ITPR3: variants seen among roughly 807,000 people sequenced by gnomAD.
ITPR3 encodes inositol 1,4,5-trisphosphate-gated calcium channel ITPR3.
ITPR3 carries 173 observed loss-of-function variants against 293.2 expected under a neutral mutation model. That is an observed-to-expected ratio of 0.59 (90% CI 0.52 to 0.67). The LOEUF is 0.67. Among genes scored for constraint, ITPR3 ranks in the 30% least tolerant of loss-of-function variants. The pLI, the probability that ITPR3 is intolerant of heterozygous loss-of-function variation, is 0.00. For missense variants in ITPR3, 2,796 were observed against 3,592.1 expected, an observed-to-expected ratio of 0.78 and a Z score of 5.66; for synonymous variants, 1,295 against 1,444.4, an observed-to-expected ratio of 0.90 and a Z score of 2.35.
At chr6:33,634,802 T>C (rs1763779444) in intron 1 of ITPR3, among the ~76,000 whole-genome samples, 1 of 152,130 alleles carries the variant, frequency 6.6e-6, no homozygotes, top group Non-Finnish European at 1.5e-5. Context: ...CAAATTTGCA[T>C]GTCTTTCCTG....
At chr6:33,694,163 A>T (rs775360685) in intron 56 of ITPR3, 30 of 161,026 alleles carry the variant, frequency 1.9e-4, no homozygotes, top group Non-Finnish European at 1.1e-4. Flanking sequence ...GCTTCCTAAA[A>T]AGTCTGAATT....
chr6:33,681,952 C>G (rs1765089586), intron 33 of ITPR3, among the ~76,000 whole-genome samples: 1 of 151,918 alleles, frequency 6.6e-6, no homozygotes, highest in South Asian at 2.1e-4. Flanking sequence ...ACAACCTTGG[C>G]TCACTTGCAA....
intron 1 of ITPR3, among the ~76,000 whole-genome samples, chr6:33,639,336 G>C (rs976511429): frequency 4.8e-5 from 7 of 145,200 alleles, no homozygotes; most frequent in Non-Finnish European, 1.0e-4. Context: ...TCGAGATTGC[G>C]CCACTGCACT....
At chr6:33,674,468 C>T (rs902279535) in intron 24 of ITPR3, among the ~76,000 whole-genome samples, 10 of 152,214 alleles carry the variant, frequency 6.6e-5, no homozygotes, top group African/African-American at 1.7e-4. Flanking sequence ...CCAGTCATCC[C>T]GTCATTCTTC....
intron 1 of ITPR3, among the ~76,000 whole-genome samples, chr6:33,631,175 G>A (rs1763670142): frequency 6.6e-6 from 1 of 152,236 alleles, no homozygotes; most frequent in Admixed American, 6.5e-5. Context: ...GCCCTACGGG[G>A]CTTAGTGGGT....
intron 2 of ITPR3, among the ~76,000 whole-genome samples, chr6:33,642,768 A>G (rs931850596): frequency 5.3e-5 from 8 of 152,064 alleles, no homozygotes; most frequent in African/African-American, 1.9e-4. Context: ...CCGTGGTCCC[A>G]TATCCTCGCT....
chr6:33,662,422 C>A (rs111635868), intron 7 of ITPR3, 106 bp from the exon 8 acceptor site: 23 of 1,339,794 alleles, frequency 1.7e-5, no homozygotes, highest in Non-Finnish European at 2.3e-5. Context: ...GAAGAGGGGC[C>A]CTGCCAGCAG....
Position 33,667,827 on chromosome 6 carries a change from C to A in ITPR3, c.1749C>A (p.Ser583=), listed in dbSNP as rs1434545720. Residue 583 remains serine (S), a synonymous_variant, in exon 16 of 58, where the codon TCC becomes TCA. Coordinates refer to ENST00000605930, the MANE Select transcript of ITPR3 (RefSeq NM_002224.4). The surrounding 1 kb of genome is among the most constrained non-coding windows in gnomAD (Gnocchi z 4.4). ...CCAAGCAGTTTGGGATGATGCAGTC[C>A]CAGATTGGCTACGACATCCTGGCCG... ...HIAKQFGMMQ[S]QIGYDILAED... is the part of the protein sequence containing the mutation. 4 of 1,614,156 alleles carry A rather than the reference C, an allele frequency of 2.5e-6. 1 individual carries two copies. The South Asian group carries it at 4.4e-5, about 18-fold the overall frequency.
At chr6:33,694,373 C>CA (rs1765478075) in intron 56 of ITPR3, 1 of 172,870 alleles carries the variant, frequency 5.8e-6, no homozygotes, top group Non-Finnish European at 1.2e-5. Context: ...CAGCTTACTA[C>CA]AAGGAAGCTG....
At position 33,675,610 on chromosome 6, in the gene ITPR3, T is replaced by C. The variant is rs987126472; in HGVS notation, c.3117-81T>C. 55 of 1,460,312 alleles carry C rather than the reference T, an allele frequency of 3.8e-5. No individual in the cohort carries two copies. In the African/African-American group the frequency reaches 6.3e-4, roughly 17 times the overall value. The allele number at this position is 1,460,312 out of a possible 1,614,324, so 90.5% of individuals were successfully genotyped here. On this transcript the variant is annotated intron_variant, in intron 24 of 57. Transcript: ENST00000605930. The surrounding 1 kb of genome is among the most constrained non-coding windows in gnomAD (Gnocchi z 5.0). ...CTAATTGGGTGGCGGAGAGTGTGCTTGTGCCAGGGCCCCTTACCCACCACG... is the reference window on the plus strand; with the variant it reads ...CTAATTGGGTGGCGGAGAGTGTGCTCGTGCCAGGGCCCCTTACCCACCACG...
Position 33,683,082 on chromosome 6 carries a change from T to C in ITPR3, c.4598-125T>C, listed in dbSNP as rs1294885798. On this transcript the variant is annotated intron_variant, in intron 34 of 57. Transcript: ENST00000605930. This position sits in a 1 kb window ranked among gnomAD's most constrained non-coding sequence, Gnocchi z 4.5. ...CAAGCATAGGCCGGGGTGGGGGGGGTCTCTGTCTCCCAGACCCTTGGTCTA... is the reference window on the plus strand; with the variant it reads ...CAAGCATAGGCCGGGGTGGGGGGGGCCTCTGTCTCCCAGACCCTTGGTCTA... 2 of 603,844 alleles carry C rather than the reference T, an allele frequency of 3.3e-6. No homozygotes were observed. Among genetic ancestry groups the C allele is most frequent in the Non-Finnish European group, 5.1e-6 (2 of 391,318 alleles). 37.4% of individuals were successfully genotyped at this position (603,844 alleles called of 1,614,324 possible).
In ITPR3 at chr6:33,671,217, A is replaced by T. The variant is rs774579158; in HGVS notation, c.2639A>T (p.Glu880Val). 7 of 1,613,526 alleles carry T rather than the reference A, an allele frequency of 4.3e-6. No individual in the cohort carries two copies. The African/African-American group carries it at 9.3e-5, about 22-fold the overall frequency. Residue 880 changes from glutamate to valine, a missense_variant, in exon 21 of 58, where the codon GAG (glutamate) becomes GTG (valine). Glu to Val is a moderately radical substitution (Grantham distance 121). This residue lies in a region of ITPR3 where 955 missense variants were observed against 1,180.8 expected (regional missense o/e 0.81). Transcript: ENST00000605930. ...TACTTCGGCTTCTACAGCTTCAGCG[A>T]GCTGCTGCGGCTCACTCGCACACTG... The part of the protein sequence containing the change: ...LIYFGFYSFS[E>V]LLRLTRTLLG...
rs565340712 is a variant in ITPR3, at chr6:33,666,176, C to T, written c.1551+200C>T. Among the ~76,000 whole-genome samples the T allele has an allele frequency of 1.3e-4, 20 of 152,284 alleles. No individual in the cohort carries two copies. The highest frequency in any genetic ancestry group is 4.1e-4 in the South Asian group (2 of 4,824). ...GGAGGAGGCGCCGTGATTCTTACCC[C>T]GTTTTACTGGTGAGGAAGCTGAAAC... On this transcript the variant is annotated intron_variant, in intron 14 of 57. Transcript: ENST00000605930. This position sits in a 1 kb window ranked among gnomAD's most constrained non-coding sequence, Gnocchi z 5.1.
At chr6:33,643,645 G>A (rs1392724376) in intron 2 of ITPR3, among the ~76,000 whole-genome samples, 1 of 152,072 alleles carries the variant, frequency 6.6e-6, no homozygotes, top group Non-Finnish European at 1.5e-5. Flanking sequence ...TCCTCCTGTT[G>A]GGGCAAGGGA....
At chr6:33,677,832 A>G (rs1409591619) in intron 28 of ITPR3, among the ~76,000 whole-genome samples, 1 of 151,590 alleles carries the variant, frequency 6.6e-6, no homozygotes, top group African/African-American at 2.4e-5. Flanking sequence ...CCCTCATCCT[A>G]ATTCCCTTTG....
chr6:33,672,050 T>G lies in ITPR3; in HGVS notation c.2750T>G (p.Ile917Ser). 1 of 1,610,018 alleles carries G rather than the reference T, an allele frequency of 6.2e-7. No homozygotes were observed. Among genetic ancestry groups the G allele is most frequent in the Non-Finnish European group, 8.5e-7 (1 of 1,177,598 alleles). Residue 917 changes from isoleucine to serine, a missense_variant, in exon 22 of 58, where the codon ATC becomes AGC. By Grantham distance (142) the Ile-to-Ser change is moderately radical (BLOSUM62 -2). Around this residue, in one of 8 missense-constraint regions of ITPR3, gnomAD observed 955 missense variants for 1,180.8 expected, o/e 0.81. Transcript: ENST00000605930. This position sits in a 1 kb window ranked among gnomAD's most constrained non-coding sequence, Gnocchi z 5.0. Reference protein sequence around the residue: ...DPGGKNVRRSIQGVGHMMSTM... With the variant: ...DPGGKNVRRSSQGVGHMMSTM... ...ACAGGCAAGAATGTGCGGCGGTCCA[T>G]CCAGGGCGTGGGGCACATGATGTCC...
Position 33,665,967 on chromosome 6 carries a change from C to T in ITPR3, c.1542C>T (p.Ile514=). 3 of 1,608,550 alleles carry T rather than the reference C, an allele frequency of 1.9e-6. No individual in the cohort carries two copies. The highest frequency in any genetic ancestry group is 2.5e-6 in the Non-Finnish European group (3 of 1,177,274). The part of the protein sequence containing the change: ...ERQKLMREQN[I]LKQVFGILKA... ...AGAAGCTGATGAGGGAGCAGAACAT[C>T]CTCAAACAGGTGCGTGTGCACCCAT... is the stretch of plus-strand genomic sequence containing the variant. Residue 514 remains isoleucine (I), a synonymous_variant, in exon 14 of 58, where the codon ATC becomes ATT. Transcript: ENST00000605930.
At chr6:33,653,348 C>T (rs1309579051) in intron 2 of ITPR3, among the ~76,000 whole-genome samples, 1 of 148,806 alleles carries the variant, frequency 6.7e-6, no homozygotes, top group East Asian at 2.0e-4. Context: ...CTCCTGGCCT[C>T]AAGTGATCCT....
In ITPR3 at chr6:33,684,679, A is replaced by C. The variant is rs142457410; in HGVS notation, c.5128A>C (p.Ile1710Leu). Residue 1710 changes from isoleucine to leucine, a missense_variant, in exon 38 of 58, where the codon ATA (isoleucine) becomes CTA (leucine). Around this residue, in one of 8 missense-constraint regions of ITPR3, gnomAD observed 704 missense variants for 797.5 expected, o/e 0.88. Coordinates refer to ENST00000605930, the MANE Select transcript of ITPR3 (RefSeq NM_002224.4). This position sits in a 1 kb window ranked among gnomAD's most constrained non-coding sequence, Gnocchi z 4.2. ...STSRGDLPDP[I>L]GTGLDPDWSA... ...CTCGCGGGGGGACCTTCCCGACCCC[A>C]TAGGCACTGGTCAGTATCACCTTCC... is the stretch of plus-strand genomic sequence containing the variant. 2.7e-4 allele frequency: 431 copies of C among 1,613,946 alleles called. 2 individuals are homozygous for C. Among genetic ancestry groups the C allele is most frequent in the Middle Eastern group, 2.5e-3 (15 of 6,062 alleles).
Sources: allele counts gnomAD v4.1 joint callset (sites outside exome capture counted in the v4.1 genomes callset), GRCh38; gene constraint gnomAD v4.1.1; regional missense constraint gnomAD v4.1.1; non-coding constraint Gnocchi (gnomAD v3.1); transcripts MANE v1.5; gene names NCBI Gene and HGNC (gene_info 2026-07-23, HGNC 2026-07-21).